MYO7A: variants seen among roughly 807,000 people sequenced by gnomAD.
The protein encoded by MYO7A is myosin VIIA.
In MYO7A, 210 loss-of-function variants were observed where a neutral mutation model predicts 263.8. The ratio of observed to expected loss-of-function variants is 0.80; its 90% CI spans 0.71 to 0.89. MYO7A has a LOEUF of 0.89. Ranked by LOEUF, MYO7A falls within the 40% of genes least tolerant of loss-of-function variation. The pLI is 0.00. For missense variants in MYO7A, 2,820 were observed against 2,968.3 expected, an observed-to-expected ratio of 0.95 and a Z score of 1.16; for synonymous variants, 1,239 against 1,197.3, an observed-to-expected ratio of 1.03 and a Z score of -0.72.
chr11:77,150,620 G>A (rs910765181), intron 4 of MYO7A, among the ~76,000 whole-genome samples: 1 of 152,172 alleles, frequency 6.6e-6, no homozygotes, highest in African/African-American at 2.4e-5. Flanking sequence ...AGGCAGGGCC[G>A]TCCCCTGTGG....
chr11:77,183,035 G>A (rs1555085920), intron 25 of MYO7A, 33 bp from the exon 26 acceptor site: 1 of 1,537,032 alleles, frequency 6.5e-7, no homozygotes, highest in East Asian at 2.4e-5. Flanking sequence ...TTTCTGCTCA[G>A]CCACTTGACC....
At chr11:77,166,304 G>A in intron 15 of MYO7A, 142 bp downstream of exon 15, 1 of 697,040 alleles carries the variant, frequency 1.4e-6, no homozygotes, top group Non-Finnish European at 2.5e-6. Flanking sequence ...TCCAGGAGGG[G>A]CCTGGAGGGG....
At chr11:77,180,048 T>G in intron 21 of MYO7A, 95 bp downstream of exon 21, 1 of 1,293,836 alleles carries the variant, frequency 7.7e-7, no homozygotes, top group Non-Finnish European at 1.0e-6. Context: ...GTGGGACCTA[T>G]AGGGGGGACC....
In MYO7A at chr11:77,160,261, C is replaced by A; in HGVS notation, c.1179C>A (p.Asp393Glu). ...STPLSREQALDVRDAFVKGIY... is the reference protein window; with the variant it reads ...STPLSREQALEVRDAFVKGIY... ...CACTGAGCAGGGAACAGGCACTGGACGTGCGCGACGCCTTCGTAAAGGTGG... is the reference window on the plus strand; with the variant it reads ...CACTGAGCAGGGAACAGGCACTGGAAGTGCGCGACGCCTTCGTAAAGGTGG... Residue 393 changes from aspartate to glutamate, a missense_variant, in exon 11 of 49, where the codon GAC becomes GAA. Physicochemically the swap from Asp to Glu is conservative, Grantham distance 45 (BLOSUM62 2). Transcript: ENST00000409709. 2.5e-6 allele frequency: 4 copies of A among 1,570,190 alleles called. No individual in the cohort carries two copies. In the East Asian group the frequency reaches 9.5e-5, roughly 37 times the overall value.
In MYO7A at chr11:77,181,770, TTTTTTTTTG is replaced by T. The variant is rs1199008156; in HGVS notation, c.2905-172_2905-164del. On this transcript the variant is annotated intron_variant, in intron 23 of 48. Transcript: ENST00000409709. ...CCCTCTCCAACGCCCTTCTCAAGTT[TTTTTTTTTG>T]TTTTTTTTTTTTTTTTTTTTTTTGA... 0.018 allele frequency among the ~76,000 whole-genome samples: 675 copies of T among 36,946 alleles called. 3 individuals are homozygous for T. The highest frequency in any genetic ancestry group is 0.089 in the African/African-American group (649 of 7,304). 24.2% of individuals were successfully genotyped at this position (36,946 alleles called of 152,430 possible).
At chr11:77,165,362 G>A (rs184884567) in intron 14 of MYO7A, among the ~76,000 whole-genome samples, 202 of 152,172 alleles carry the variant, frequency 1.3e-3, no homozygotes, top group Non-Finnish European at 1.9e-3. Context: ...CCAACTCCTC[G>A]GTCCCTGTGA....
chr11:77,131,366 GC>G (rs1950760953), intron 2 of MYO7A, among the ~76,000 whole-genome samples: 1 of 152,232 alleles, frequency 6.6e-6, no homozygotes, highest in South Asian at 2.1e-4. Context: ...GCCTTGCCTG[GC>G]CACCCTGAGG....
rs1297507852 is a variant in MYO7A, at chr11:77,208,750, AC to A, written c.6000del (p.Thr2001ArgfsTer40). ...QVFFMKKLWT[T>X]TVPGKDPMAD... ...GTTCTTCATGAAGAAGCTGTGGACC[AC>A]CACGGTGCCAGGGAAGGATCCCATG... is the stretch of plus-strand genomic sequence containing the variant. On this transcript the variant is annotated frameshift_variant, in exon 44 of 49. Transcript: ENST00000409709. LOFTEE classifies it high-confidence loss of function. 6.3e-7 allele frequency: 1 copy of A among 1,584,920 alleles called. No homozygotes were observed. Among genetic ancestry groups the A allele is most frequent in the Non-Finnish European group, 8.6e-7 (1 of 1,165,532 alleles).
chr11:77,180,262 T>TCTGCCCAATTATTTGG, intron 21 of MYO7A, 112 bp from the exon 22 acceptor site: 1 of 900,836 alleles, frequency 1.1e-6, no homozygotes, highest in Non-Finnish European at 1.8e-6. Flanking sequence ...ACTTGTCCTA[T>TCTGCCCAATTATTTGG]CAAAGTCATG....
rs73497658 is a variant in MYO7A at position 77,212,143 on chromosome 11, C to A, written c.6354+206C>A. 0.013 allele frequency: 8,870 copies of A among 678,366 alleles called. 560 individuals carry two copies. The African/African-American group carries it at 0.14, about 10-fold the overall frequency. The allele number at this position is 678,366 out of a possible 1,614,324, so 42.0% of individuals were successfully genotyped here. On this transcript the variant is annotated intron_variant, in intron 46 of 48. Coordinates refer to ENST00000409709, the MANE Select transcript of MYO7A (RefSeq NM_000260.4). ...GACAGAGGGACCAGAAGAAGCTCAG[C>A]CTGGCAGTGGAGGCAGACATGTAAA...
rs370104824 is a variant in MYO7A at position 77,182,472 on chromosome 11, C to T, written c.3157C>T (p.Pro1053Ser). 341 of 1,613,324 alleles carry T rather than the reference C, an allele frequency of 2.1e-4. No homozygotes were observed. The highest frequency in any genetic ancestry group is 2.8e-4 in the Non-Finnish European group (329 of 1,179,850). ...ITILRFMGDL[P>S]EPKYHTAMSD... Reference sequence around the variant, plus strand: ...CATCCTCCGCTTCATGGGGGACCTCCCTGAGCCCAAGTACCACACAGCCAT... The same window carrying T: ...CATCCTCCGCTTCATGGGGGACCTCTCTGAGCCCAAGTACCACACAGCCAT... Residue 1053 changes from proline to serine, a missense_variant, in exon 25 of 49, where the codon CCT becomes TCT. Transcript: ENST00000409709.
chr11:77,197,970 G>C (rs902939736), intron 33 of MYO7A, among the ~76,000 whole-genome samples: 1 of 152,240 alleles, frequency 6.6e-6, no homozygotes, highest in African/African-American at 2.4e-5. Context: ...ACTGAGTGAG[G>C]ATTGATTCAT....
At chr11:77,137,023 G>A (rs1555047664) in intron 2 of MYO7A, among the ~76,000 whole-genome samples, 10 of 152,214 alleles carry the variant, frequency 6.6e-5, no homozygotes, top group Non-Finnish European at 1.5e-4. Flanking sequence ...ATATGAACTC[G>A]TGGTAGAATG....
chr11:77,160,431 TC>T, intron 11 of MYO7A, 149 bp downstream of exon 11: 1 of 1,212,310 alleles, frequency 8.2e-7, no homozygotes, highest in Non-Finnish European at 1.1e-6. Flanking sequence ...CTTCCTTGAG[TC>T]CCAGGTGCCC....
rs77299211 is a variant in MYO7A at position 77,190,091 on chromosome 11, C to G, written c.3702C>G (p.Thr1234=). The part of the protein sequence containing the change: ...APYCEERLRR[T]FVNGTRTQPP... ...ACTGTGAGGAGCGCCTGAGAAGGAC[C>G]TTTGTCAATGGGACACGGACACAGC... Residue 1234 remains threonine (T), a synonymous_variant, in exon 29 of 49, where the codon ACC becomes ACG. Transcript: ENST00000409709. The G allele has an allele frequency of 7.7e-5, 121 of 1,579,620 alleles. No individual in the cohort carries two copies. The East Asian group carries it at 2.4e-3, about 32-fold the overall frequency.
intron 30 of MYO7A, 96 bp from the exon 31 acceptor site, chr11:77,191,955 C>A: frequency 8.9e-7 from 1 of 1,125,540 alleles, no homozygotes; most frequent in Non-Finnish European, 1.3e-6. Flanking sequence ...CTCGCTGGGC[C>A]TCCGTTTTCT....
At chr11:77,147,675 A>G (rs1555054424) in intron 3 of MYO7A, 123 bp from the exon 4 acceptor site, 2 of 1,270,032 alleles carry the variant, frequency 1.6e-6, no homozygotes, top group South Asian at 1.4e-5. Context: ...TCTGGCTGCC[A>G]GAGAGGTCGA....
chr11:77,162,799 G>A, intron 13 of MYO7A, 54 bp from the exon 14 acceptor site: 3 of 1,588,928 alleles, frequency 1.9e-6, no homozygotes, highest in Non-Finnish European at 1.7e-6. Context: ...GCAGGGAGGG[G>A]AGTGGGGCCC....
Position 77,162,350 on chromosome 11 carries a change from G to A in MYO7A, c.1554+20G>A, listed in dbSNP as rs186316927. On this transcript the variant is annotated intron_variant, in intron 13 of 48. Coordinates refer to ENST00000409709, the MANE Select transcript of MYO7A (RefSeq NM_000260.4). ...CCCAAGGTGGGCCGGTCCTGCTGCC[G>A]CCTCCCAGGGTCTTGGGTGCGCACA... 6.1e-5 allele frequency: 95 copies of A among 1,549,268 alleles called. No individual in the cohort carries two copies. Among genetic ancestry groups the A allele is most frequent in the Admixed American group, 2.9e-4 (15 of 51,004 alleles).
Sources: allele counts gnomAD v4.1 joint callset (sites outside exome capture counted in the v4.1 genomes callset), GRCh38; gene constraint gnomAD v4.1.1; transcripts MANE v1.5; gene names NCBI Gene and HGNC (gene_info 2026-07-23, HGNC 2026-07-21).